Variants in SMARCD3 observed in about 807,000 individuals in gnomAD.
The protein encoded by SMARCD3 is SWI/SNF related BAF chromatin remodeling complex subunit D3.
A neutral mutation model predicts 58.0 loss-of-function variants in SMARCD3; 14 were observed. The ratio of observed to expected loss-of-function variants is 0.24; its 90% CI spans 0.16 to 0.38. SMARCD3 has a LOEUF of 0.38. Ranked by LOEUF, SMARCD3 falls within the 10% of genes least tolerant of loss-of-function variation. The pLI is 1.00. For synonymous variants in SMARCD3, 253 were observed against 253.8 expected (o/e 1.00, Z 0.03); for missense variants, 408 against 636.9 (o/e 0.64, Z 3.87).
chr7:151,261,510 G>A (rs190944600), intron 2 of SMARCD3, among the ~76,000 whole-genome samples: 1 of 152,192 alleles, frequency 6.6e-6, no homozygotes, highest in Non-Finnish European at 1.5e-5. Context: ...GGTCCCTCAC[G>A]TGATGCATGG....
At chr7:151,274,029 C>T (rs1364957135) in intron 2 of SMARCD3, among the ~76,000 whole-genome samples, 1 of 152,266 alleles carries the variant, frequency 6.6e-6, no homozygotes, top group Non-Finnish European at 1.5e-5. Flanking sequence ...CCTCCCCGAG[C>T]CTCAGGCTCC....
Position 151,241,480 on chromosome 7 carries a change from G to A in SMARCD3, c.939+12C>T. The A allele has an allele frequency of 1.9e-6, 3 of 1,609,870 alleles. No homozygotes were observed. Among genetic ancestry groups the A allele is most frequent in the Non-Finnish European group, 2.5e-6 (3 of 1,177,996 alleles). ...CTGCTCCCCAGATCCCAGGGTTCAG[G>A]AGAGAGGTTACCTGCTGGAAATACT... On this transcript the variant is annotated intron_variant, in intron 8 of 12. Transcript: ENST00000262188. The surrounding 1 kb of genome is among the most constrained non-coding windows in gnomAD (Gnocchi z 5.3).
chr7:151,243,516 G>A lies in SMARCD3; in HGVS notation c.333+143C>T. On this transcript the variant is annotated intron_variant, in intron 3 of 12. Transcript: ENST00000262188. The surrounding 1 kb of genome is among the most constrained non-coding windows in gnomAD (Gnocchi z 4.4). Reference sequence around the variant, plus strand: ...CCACCTCACCCCCTCCCTCTGGCCTGCGGAGCCTCACTTATTAATGAGCTT... The same window carrying A: ...CCACCTCACCCCCTCCCTCTGGCCTACGGAGCCTCACTTATTAATGAGCTT... 1.5e-6 allele frequency: 1 copy of A among 660,440 alleles called. No homozygotes were observed. The highest frequency in any genetic ancestry group is 2.7e-6 in the Non-Finnish European group (1 of 364,692). 40.9% of individuals were successfully genotyped at this position (660,440 alleles called of 1,614,324 possible). A position where few individuals can be genotyped will look rare whatever the true frequency, so the allele number is the denominator to read the frequency against.
Position 151,245,762 on chromosome 7 carries a change from C to T in SMARCD3, c.79-91G>A. 2.6e-6 allele frequency: 1 copy of T among 385,044 alleles called. No individual in the cohort carries two copies. Among genetic ancestry groups the T allele is most frequent in the Non-Finnish European group, 4.6e-6 (1 of 218,440 alleles). 23.9% of individuals were successfully genotyped at this position (385,044 alleles called of 1,614,324 possible). A position where few individuals can be genotyped will look rare whatever the true frequency, so the allele number is the denominator to read the frequency against. On this transcript the variant is annotated intron_variant, in intron 1 of 12. Coordinates refer to ENST00000262188, the MANE Select transcript of SMARCD3 (RefSeq NM_001003801.2). The surrounding 1 kb of genome is among the most constrained non-coding windows in gnomAD (Gnocchi z 6.2). ...GGCGCGGTGAGCCGGCGTCTCCCCT[C>T]CCCCACCAGACCCTCGGCTGGTGAC... is the stretch of plus-strand genomic sequence containing the variant.
chr7:151,275,160 AG>A, exon 2 of SMARCD3: 2 of 1,611,618 alleles, frequency 1.2e-6, no homozygotes, highest in Non-Finnish European at 1.7e-6. Flanking sequence ...CATAGATGGC[AG>A]GGTCCTGCAC....
intron 2 of SMARCD3, among the ~76,000 whole-genome samples, chr7:151,265,698 T>C (rs1309310359): frequency 6.6e-6 from 1 of 152,224 alleles, no homozygotes; most frequent in African/African-American, 2.4e-5. Flanking sequence ...CTTTATTCCA[T>C]CATCCATTGA....
intron 2 of SMARCD3, among the ~76,000 whole-genome samples, chr7:151,264,708 C>A (rs1804027530): frequency 6.6e-6 from 1 of 152,186 alleles, no homozygotes; most frequent in Non-Finnish European, 1.5e-5. Context: ...TGGAGCTGGG[C>A]CCAAGCCTCT....
At chr7:151,244,999 G>C (rs1242036164) in intron 2 of SMARCD3, among the ~76,000 whole-genome samples, 1 of 152,220 alleles carries the variant, frequency 6.6e-6, no homozygotes, top group African/African-American at 2.4e-5. Context: ...CACCCCCATG[G>C]TCAGAGAGTC....
intron 2 of SMARCD3, among the ~76,000 whole-genome samples, chr7:151,272,599 C>T (rs557128010): frequency 6.6e-6 from 1 of 152,228 alleles, no homozygotes; most frequent in South Asian, 2.1e-4. Context: ...TCATGAGGCA[C>T]GTTCTCAAAT....
chr7:151,248,083 G>A lies in SMARCD3; in HGVS notation c.78+402C>T, dbSNP rs1803359079. Among the ~76,000 whole-genome samples the A allele has an allele frequency of 6.6e-6, 1 of 152,096 alleles. No homozygotes were observed. The highest frequency in any genetic ancestry group is 6.5e-5 in the Admixed American group (1 of 15,284). On this transcript the variant is annotated intron_variant, in intron 1 of 12. Transcript: ENST00000262188. The surrounding 1 kb of genome is among the most constrained non-coding windows in gnomAD (Gnocchi z 6.1). ...AAGCAGTGACACTGTCCCAACGGATGAACAGACAGCCCAGCCCAGCCTCTG... is the reference window on the plus strand; with the variant it reads ...AAGCAGTGACACTGTCCCAACGGATAAACAGACAGCCCAGCCCAGCCTCTG...
chr7:151,240,598 C>T (rs1300109121), intron 8 of SMARCD3, 76 bp from the exon 9 acceptor site: 8 of 1,075,944 alleles, frequency 7.4e-6, no homozygotes, highest in Non-Finnish European at 1.1e-5. Flanking sequence ...TCCTTTTGTT[C>T]TAGAAAGGCC....
Position 151,240,435 on chromosome 7 carries a change from G to T in SMARCD3, c.1027C>A (p.His343Asn). ...LLPPDPIVIN[H>N]VISVDPSDQK... ...CTGGGGCCACCTCACCTGATGACAT[G>T]GTTGATGACAATTGGGTCAGGGGGC... Residue 343 changes from histidine to asparagine, a missense_variant, in exon 9 of 13, where the codon CAT (histidine) becomes AAT (asparagine). Physicochemically the swap from His to Asn is moderately conservative, Grantham distance 68. Around this residue, in one of 4 missense-constraint regions of SMARCD3, gnomAD observed 115 missense variants for 257.2 expected, o/e 0.45. Transcript: ENST00000262188. 1 of 1,613,470 alleles carries T rather than the reference G, an allele frequency of 6.2e-7. No homozygotes were observed. Among genetic ancestry groups the T allele is most frequent in the Non-Finnish European group, 8.5e-7 (1 of 1,179,586 alleles).
chr7:151,273,155 T>C (rs1795232154), intron 2 of SMARCD3, among the ~76,000 whole-genome samples: 1 of 152,328 alleles, frequency 6.6e-6, no homozygotes, highest in South Asian at 2.1e-4. Flanking sequence ...CAAGATAAGA[T>C]GCCAAACTTC....
chr7:151,272,030 G>C (rs915334479), intron 2 of SMARCD3, among the ~76,000 whole-genome samples: 1 of 152,176 alleles, frequency 6.6e-6, no homozygotes, highest in Non-Finnish European at 1.5e-5. Flanking sequence ...TTTTAAGTTT[G>C]GGTTAAGCAA....
rs945176606 is a variant in SMARCD3 at position 151,239,654 on chromosome 7, G to A, written c.1266C>T (p.Asp422=). The A allele has an allele frequency of 1.2e-6, 2 of 1,614,116 alleles. No homozygotes were observed. Among genetic ancestry groups the A allele is most frequent in the Non-Finnish European group, 1.7e-6 (2 of 1,180,012 alleles). The change falls in exon 11 of 13, where the codon GAC becomes GAT. Residue 422 remains aspartate, a synonymous_variant. Coordinates refer to ENST00000262188, the MANE Select transcript of SMARCD3 (RefSeq NM_001003801.2). This position sits in a 1 kb window ranked among gnomAD's most constrained non-coding sequence, Gnocchi z 7.0. ...GGTCCCGGCTCTGGGAGCGGAGCAG[G>A]TCTTGGACATAGCCTTTGGGGTCTC... is the stretch of plus-strand genomic sequence containing the variant. ...FSRDPKGYVQ[D]LLRSQSRDLK...
Position 151,248,347 on chromosome 7 carries a change from G to T in SMARCD3, c.78+138C>A. On this transcript the variant is annotated intron_variant, in intron 1 of 12. Coordinates refer to ENST00000262188, the MANE Select transcript of SMARCD3 (RefSeq NM_001003801.2). The surrounding 1 kb of genome is among the most constrained non-coding windows in gnomAD (Gnocchi z 6.1). ...GGTGCCAGGGCGCCAGCACAGTCCC[G>T]CGGCCGGGCCGTGGGCCATGACGCC... is the stretch of plus-strand genomic sequence containing the variant. 1.6e-6 allele frequency: 1 copy of T among 621,934 alleles called. No individual in the cohort carries two copies. The highest frequency in any genetic ancestry group is 2.7e-6 in the Non-Finnish European group (1 of 370,086). 38.5% of individuals were successfully genotyped at this position (621,934 alleles called of 1,614,324 possible). A position where few individuals can be genotyped will look rare whatever the true frequency, so the allele number is the denominator to read the frequency against.
chr7:151,242,315 G>C lies in SMARCD3; in HGVS notation c.580-83C>G. 7.2e-7 allele frequency: 1 copy of C among 1,393,916 alleles called. No homozygotes were observed. Among genetic ancestry groups the C allele is most frequent in the Non-Finnish European group, 1.0e-6 (1 of 981,826 alleles). 86.3% of individuals were successfully genotyped at this position (1,393,916 alleles called of 1,614,324 possible). A position where few individuals can be genotyped will look rare whatever the true frequency, so the allele number is the denominator to read the frequency against. ...AAGGAGGCCAAGTTGGCAGCCGACA[G>C]GGCAGTGGGCTTAGATGAAATCCTC... On this transcript the variant is annotated intron_variant, in intron 5 of 12. Transcript: ENST00000262188. This position sits in a 1 kb window ranked among gnomAD's most constrained non-coding sequence, Gnocchi z 4.7.
At chr7:151,258,480 G>A (rs772334572) in intron 2 of SMARCD3, among the ~76,000 whole-genome samples, 9 of 150,092 alleles carry the variant, frequency 6.0e-5, no homozygotes, top group Non-Finnish European at 1.2e-4. Flanking sequence ...CAGGAGAATC[G>A]CTTGAATCCA....
At chr7:151,265,734 C>T (rs949432492) in intron 2 of SMARCD3, among the ~76,000 whole-genome samples, 2 of 152,162 alleles carry the variant, frequency 1.3e-5, no homozygotes, top group Admixed American at 6.5e-5. Context: ...GCCAAGTCAC[C>T]GTTAACCTCT....
Sources: gnomAD v4.1 joint callset for allele counts (sites outside exome capture counted in the v4.1 genomes callset) on GRCh38, gnomAD v4.1.1 for gene constraint, gnomAD v4.1.1 regional missense constraint, Gnocchi (gnomAD v3.1) non-coding constraint, MANE v1.5 for transcripts, NCBI Gene and HGNC (gene_info 2026-07-23, HGNC 2026-07-21) for gene names.